NRXN1: variants seen among roughly 807,000 people sequenced by gnomAD.
NRXN1 encodes neurexin 1.
Under a neutral mutation model 150.9 loss-of-function variants are expected in NRXN1, and 39 were observed. The observed-to-expected ratio is 0.26, with a 90% CI of 0.20 to 0.34. The LOEUF (loss-of-function observed/expected upper bound fraction) is 0.34. Ranked by LOEUF, NRXN1 falls within the 10% of genes least tolerant of loss-of-function variation. The pLI is 1.00. For synonymous variants in NRXN1, 924 were observed against 757.0 expected (o/e 1.22, Z -3.62); for missense variants, 1,815 against 1,949.9 (o/e 0.93, Z 1.30).
At position 51,027,903 on chromosome 2, in the gene NRXN1, C is replaced by T. The variant is rs1314011682; in HGVS notation, c.371G>A (p.Arg124His). 6.2e-7 allele frequency: 1 copy of T among 1,609,590 alleles called. No homozygotes were observed. The change falls in exon 2 of 23, where the codon CGC becomes CAC. Residue 124 changes from arginine (R) to histidine (H), a missense_variant. Around this residue, in one of 6 missense-constraint regions of NRXN1, gnomAD observed 554 missense variants for 478.8 expected, o/e 1.16. Coordinates refer to ENST00000401669, the MANE Select transcript of NRXN1 (RefSeq NM_001330078.2). ...WHSVRIRRQF[R>H]NTTLFIDQVE... ...CTGGTCGATGAAGAGCGTGGTGTTG[C>T]GGAACTGGCGGCGGATGCGCACGCT...
chr2:50,638,726 G>A (rs1683598556), intron 5 of NRXN1, among the ~76,000 whole-genome samples: 2 of 152,182 alleles, frequency 1.3e-5, no homozygotes, highest in Admixed American at 1.3e-4. Context: ...TCCTTTTAAA[G>A]ATCATTTTCC....
Position 50,815,829 on chromosome 2 carries a change from A to G in NRXN1, c.832+106040T>C, listed in dbSNP as rs575029025. Among the ~76,000 whole-genome samples the G allele has an allele frequency of 4.6e-5, 7 of 152,272 alleles. No homozygotes were observed. In the South Asian group the frequency reaches 1.0e-3, roughly 23 times the overall value. ...GTTTTGCATAGTCATAGAATTTTCT[A>G]TATACAAGAATCCCCAGTGCCCATC... On this transcript the variant is annotated intron_variant, in intron 5 of 22. Transcript: ENST00000401669.
chr2:50,707,147 A>T (rs1276522623), intron 5 of NRXN1, among the ~76,000 whole-genome samples: 1 of 152,050 alleles, frequency 6.6e-6, no homozygotes, highest in Non-Finnish European at 1.5e-5. Context: ...CCCAACTTTG[A>T]TATGTCTTGC....
intron 5 of NRXN1, among the ~76,000 whole-genome samples, chr2:50,920,310 CTAAA>C (rs962834707): frequency 4.6e-5 from 7 of 151,664 alleles, no homozygotes; most frequent in South Asian, 2.1e-4. Context: ...CATAGAAAAA[CTAAA>C]TAAAGTTAAG....
chr2:50,490,765 G>A (rs114615569), intron 15 of NRXN1, among the ~76,000 whole-genome samples: 37 of 152,180 alleles, frequency 2.4e-4, no homozygotes, highest in African/African-American at 7.0e-4. Flanking sequence ...ATGTGTATCC[G>A]AGGGAAAAAC....
At chr2:50,082,544 T>C (rs910921669) in intron 19 of NRXN1, among the ~76,000 whole-genome samples, 13 of 152,370 alleles carry the variant, frequency 8.5e-5, no homozygotes, top group African/African-American at 3.1e-4. Context: ...TTTGATGGGT[T>C]GGTTTCTAAG....
intron 9 of NRXN1, among the ~76,000 whole-genome samples, chr2:50,541,678 C>T (rs1337767905): frequency 1.3e-5 from 2 of 151,852 alleles, no homozygotes; most frequent in African/African-American, 4.8e-5. Context: ...TCCCAGTGCA[C>T]ACTTAAACAC....
chr2:50,046,566 T>C lies in NRXN1; in HGVS notation c.4128+6705A>G, dbSNP rs59404205. 5.6e-3 allele frequency among the ~76,000 whole-genome samples: 859 copies of C among 152,310 alleles called. 9 individuals carry two copies. Among genetic ancestry groups the C allele is most frequent in the African/African-American group, 0.02 (821 of 41,574 alleles). On this transcript the variant is annotated intron_variant, in intron 21 of 22. Coordinates refer to ENST00000401669, the MANE Select transcript of NRXN1 (RefSeq NM_001330078.2). ...TTCTTTATATTTTAAGATGAACATA[T>C]GAAATTTCTATTTTTTATAGTTAAA... is the stretch of plus-strand genomic sequence containing the variant.
intron 17 of NRXN1, among the ~76,000 whole-genome samples, chr2:50,461,901 T>A (rs2088264866): frequency 6.6e-6 from 1 of 151,930 alleles, no homozygotes; most frequent in Non-Finnish European, 1.5e-5. Context: ...GTGGGGAAAT[T>A]AGCATAAGCA....
At chr2:50,659,937 G>A (rs968648226) in intron 5 of NRXN1, among the ~76,000 whole-genome samples, 11 of 151,936 alleles carry the variant, frequency 7.2e-5, no homozygotes, top group South Asian at 2.1e-4. Flanking sequence ...ACATACTTCC[G>A]CTTTATATTA....
chr2:50,474,161 A>G (rs62135006), intron 15 of NRXN1, among the ~76,000 whole-genome samples: 2,116 of 152,016 alleles, frequency 0.014, 15 homozygotes, highest in Admixed American at 0.02. Context: ...TTTTTCTTCC[A>G]TATTTCCATT....
At chr2:50,183,622 T>G (rs1219385644) in intron 18 of NRXN1, among the ~76,000 whole-genome samples, 2 of 151,130 alleles carry the variant, frequency 1.3e-5, no homozygotes, top group Non-Finnish European at 2.9e-5. Flanking sequence ...GGACCCTCCA[T>G]GGGATATCTG....
At chr2:50,427,907 A>C (rs1017784477) in intron 17 of NRXN1, among the ~76,000 whole-genome samples, 2 of 152,226 alleles carry the variant, frequency 1.3e-5, no homozygotes, top group African/African-American at 2.4e-5. Context: ...TTACCACTTG[A>C]AACTTAAAAG....
At chr2:50,751,138 AAACTTT>A (rs2105329696) in intron 5 of NRXN1, among the ~76,000 whole-genome samples, 1 of 152,104 alleles carries the variant, frequency 6.6e-6, no homozygotes, top group Non-Finnish European at 1.5e-5. Flanking sequence ...TGAAAGCCTT[AAACTTT>A]ATCTAGAGAT....
chr2:51,026,253 C>T (rs1670448795), intron 2 of NRXN1: 1 of 691,040 alleles, frequency 1.4e-6, no homozygotes, highest in African/African-American at 1.8e-5. Context: ...CCCATTTCAG[C>T]CACAAATGCC....
rs375866317 is a variant in NRXN1, at chr2:50,925,919, T to C, written c.790+19A>G. ...AAAGGACAAATGAGAGTTGGAAAAA[T>C]AAGGTAGAAAGCACCCACCTTCCAC... On this transcript the variant is annotated intron_variant, in intron 3 of 22. Coordinates refer to ENST00000401669, the MANE Select transcript of NRXN1 (RefSeq NM_001330078.2). The C allele has an allele frequency of 1.2e-5, 19 of 1,563,362 alleles. No individual in the cohort carries two copies. The South Asian group carries it at 1.3e-4, about 11-fold the overall frequency.
intron 18 of NRXN1, among the ~76,000 whole-genome samples, chr2:50,158,163 T>C (rs1031489337): frequency 6.7e-6 from 1 of 150,374 alleles, no homozygotes; most frequent in Non-Finnish European, 1.5e-5. Context: ...CTATCCATTT[T>C]CCACCACATC....
intron 5 of NRXN1, among the ~76,000 whole-genome samples, chr2:50,707,302 C>A (rs1193829445): frequency 6.6e-6 from 1 of 152,090 alleles, no homozygotes; most frequent in East Asian, 1.9e-4. Flanking sequence ...ACCCAGTTAG[C>A]CCCTCGCACA....
intron 18 of NRXN1, among the ~76,000 whole-genome samples, chr2:50,108,648 G>T (rs1160538765): frequency 6.6e-6 from 1 of 152,024 alleles, no homozygotes; most frequent in Non-Finnish European, 1.5e-5. Context: ...ATGCATTTTT[G>T]AGATATTTTT....
Sources: gnomAD v4.1 joint callset for allele counts (sites outside exome capture counted in the v4.1 genomes callset) on GRCh38, gnomAD v4.1.1 for gene constraint, gnomAD v4.1.1 regional missense constraint, MANE v1.5 for transcripts, NCBI Gene and HGNC (gene_info 2026-07-23, HGNC 2026-07-21) for gene names.